Variants in BNC2 observed in about 807,000 individuals in gnomAD.
The protein encoded by BNC2 is zinc finger protein basonuclin-2.
Under a neutral mutation model 76.3 loss-of-function variants are expected in BNC2, and 20 were observed. The ratio of observed to expected loss-of-function variants is 0.26; its 90% CI spans 0.18 to 0.38. BNC2 has a LOEUF of 0.38. Ranked by LOEUF, BNC2 falls within the 10% of genes least tolerant of loss-of-function variation. The pLI is 1.00. For missense variants in BNC2, 1,382 were observed against 1,399.8 expected (o/e 0.99, Z 0.20); for synonymous variants, 582 against 514.8 (o/e 1.13, Z -1.77).
At chr9:16,869,792 G>GTT (rs1819632094) in intron 1 of BNC2, among the ~76,000 whole-genome samples, 1 of 152,110 alleles carries the variant, frequency 6.6e-6, no homozygotes. Context: ...AGTCTCGCTT[G>GTT]GCAAAGCCAG....
At chr9:16,524,230 TTA>T (rs1817720882) in intron 5 of BNC2, among the ~76,000 whole-genome samples, 1 of 152,214 alleles carries the variant, frequency 6.6e-6, no homozygotes, top group African/African-American at 2.4e-5. Context: ...GCTACCAGTG[TTA>T]ATGACTGATG....
At chr9:16,491,699 T>G (rs1822283430) in intron 5 of BNC2, among the ~76,000 whole-genome samples, 1 of 152,200 alleles carries the variant, frequency 6.6e-6, no homozygotes, top group Non-Finnish European at 1.5e-5. Flanking sequence ...CATCATACCT[T>G]GTTCACATGT....
chr9:16,704,288 G>A (rs1823596924), intron 3 of BNC2, among the ~76,000 whole-genome samples: 1 of 152,200 alleles, frequency 6.6e-6, no homozygotes, highest in Admixed American at 6.5e-5. Flanking sequence ...AACTCCAACA[G>A]TGAATGAGAC....
chr9:16,599,300 T>C (rs1375278761), intron 3 of BNC2, among the ~76,000 whole-genome samples: 1 of 152,224 alleles, frequency 6.6e-6, no homozygotes, highest in Non-Finnish European at 1.5e-5. Context: ...ACTTACATAC[T>C]ACAGAGATTT....
intron 4 of BNC2, among the ~76,000 whole-genome samples, chr9:16,562,343 TG>T (rs1409256833): frequency 1.3e-5 from 2 of 152,192 alleles, no homozygotes; most frequent in East Asian, 3.9e-4. Flanking sequence ...CGTCTTCACC[TG>T]GGAAGAAAAG....
intron 6 of BNC2, among the ~76,000 whole-genome samples, chr9:16,435,351 G>A (rs1005894952): frequency 1.3e-5 from 2 of 152,150 alleles, no homozygotes; most frequent in South Asian, 4.1e-4. Context: ...GATGGCACAT[G>A]ATTCTGCATG....
At chr9:16,476,854 A>G (rs1285519993) in intron 5 of BNC2, among the ~76,000 whole-genome samples, 1 of 152,212 alleles carries the variant, frequency 6.6e-6, no homozygotes, top group Non-Finnish European at 1.5e-5. Flanking sequence ...TGAAAAAAGC[A>G]TAATGATGCA....
intron 5 of BNC2, among the ~76,000 whole-genome samples, chr9:16,479,069 T>C (rs1264148590): frequency 2.0e-5 from 3 of 152,076 alleles, no homozygotes; most frequent in African/African-American, 4.8e-5. Context: ...CTGGTCAACA[T>C]GGTGAAACCC....
intron 3 of BNC2, among the ~76,000 whole-genome samples, chr9:16,682,884 A>G (rs1822866669): frequency 6.6e-6 from 1 of 152,212 alleles, no homozygotes; most frequent in Non-Finnish European, 1.5e-5. Flanking sequence ...TTCTCTGATA[A>G]AAGTAAAATA....
In BNC2 at chr9:16,543,966, G is replaced by A. The variant is rs1299364865; in HGVS notation, c.669+8564C>T. Among the ~76,000 whole-genome samples, 7 of 152,212 alleles carry A rather than the reference G, an allele frequency of 4.6e-5. No homozygotes were observed. In the East Asian group the frequency reaches 7.7e-4, roughly 17 times the overall value. On this transcript the variant is annotated intron_variant, in intron 5 of 6. Transcript: ENST00000380672. ...TTTGTATATCCCTGCCAAAGACAGG[G>A]GGATCCTGACCAATCATACATGTGA...
intron 3 of BNC2, among the ~76,000 whole-genome samples, chr9:16,622,960 T>G (rs1441417921): frequency 2.6e-5 from 4 of 152,188 alleles, no homozygotes; most frequent in Non-Finnish European, 2.9e-5. Context: ...AATAAACCTT[T>G]GGTTTTATAG....
chr9:16,813,333 T>C (rs1446183331), intron 1 of BNC2, among the ~76,000 whole-genome samples: 1 of 151,162 alleles, frequency 6.6e-6, no homozygotes, highest in Non-Finnish European at 1.5e-5. Flanking sequence ...TGGTGCGATC[T>C]CGGCTCACTG....
intron 5 of BNC2, among the ~76,000 whole-genome samples, chr9:16,528,157 C>T (rs999507667): frequency 1.3e-5 from 2 of 152,148 alleles, no homozygotes; most frequent in African/African-American, 2.4e-5. Context: ...TTGGTCTTTA[C>T]AATTTTGAAT....
intron 5 of BNC2, among the ~76,000 whole-genome samples, chr9:16,515,593 T>C (rs1361762751): frequency 1.3e-5 from 2 of 152,030 alleles, no homozygotes; most frequent in Non-Finnish European, 2.9e-5. Flanking sequence ...CTGGAACGTC[T>C]GTCTCTAATC....
chr9:16,574,718 T>C (rs1476059730), intron 4 of BNC2, among the ~76,000 whole-genome samples: 1 of 152,218 alleles, frequency 6.6e-6, no homozygotes, highest in African/African-American at 2.4e-5. Flanking sequence ...TGATGTTTAA[T>C]ATTATTTTAT....
intron 1 of BNC2, among the ~76,000 whole-genome samples, chr9:16,820,712 A>G (rs180671631): frequency 1.2e-4 from 19 of 152,278 alleles, no homozygotes; most frequent in African/African-American, 4.1e-4. Context: ...TATTTCTCAC[A>G]AATAGAGATC....
chr9:16,857,278 G>C (rs1460971270), intron 1 of BNC2, among the ~76,000 whole-genome samples: 6 of 151,976 alleles, frequency 3.9e-5, no homozygotes, highest in Non-Finnish European at 8.8e-5. Context: ...AGGAGTTCGA[G>C]ATCAGCCTGT....
intron 3 of BNC2, among the ~76,000 whole-genome samples, chr9:16,721,008 A>G (rs1824140106): frequency 6.6e-6 from 1 of 152,246 alleles, no homozygotes; most frequent in Non-Finnish European, 1.5e-5. Context: ...AAATTAAAAA[A>G]TAATCAATAC....
chr9:16,863,689 C>T lies in BNC2; in HGVS notation c.3+6957G>A, dbSNP rs1054459157. 4.6e-5 allele frequency among the ~76,000 whole-genome samples: 7 copies of T among 151,980 alleles called. No individual in the cohort carries two copies. The South Asian group carries it at 6.2e-4, about 14-fold the overall frequency. ...TAGTTTGGGCGACAGAGCGAGATTC[C>T]GTTTCAAAAAAAACCTTAACAGAGA... On this transcript the variant is annotated intron_variant, in intron 1 of 6. Transcript: ENST00000380672.
Sources: allele counts gnomAD v4.1 joint callset (sites outside exome capture counted in the v4.1 genomes callset), GRCh38; gene constraint gnomAD v4.1.1; transcripts MANE v1.5; gene names NCBI Gene and HGNC (gene_info 2026-07-23, HGNC 2026-07-21).